The following ANKIB1 variants were observed in gnomAD, a reference collection of about 807,000 sequenced individuals.
ANKIB1 encodes the protein ankyrin repeat and IBR domain-containing protein 1.
In ANKIB1, 43 loss-of-function variants were observed where a neutral mutation model predicts 122.1. That is an observed-to-expected ratio of 0.35 (90% CI 0.28 to 0.45). The LOEUF is 0.45. ANKIB1 is among the 20% of genes least tolerant of loss of function. The pLI, the probability that ANKIB1 is intolerant of heterozygous loss-of-function variation, is 1.00. For missense variants in ANKIB1, 992 were observed against 1,329.5 expected, an observed-to-expected ratio of 0.75 and a Z score of 3.95; for synonymous variants, 390 against 442.0, an observed-to-expected ratio of 0.88 and a Z score of 1.48.
At chr7:92,270,719 A>G (rs1419867149) in intron 1 of ANKIB1, among the ~76,000 whole-genome samples, 1 of 142,556 alleles carries the variant, frequency 7.0e-6, no homozygotes, top group African/African-American at 2.6e-5. Flanking sequence ...TCTGTCTTCC[A>G]TCGCTATAGT....
intron 17 of ANKIB1, among the ~76,000 whole-genome samples, chr7:92,394,231 T>C (rs1402637457): frequency 6.6e-6 from 1 of 152,196 alleles, no homozygotes; most frequent in African/African-American, 2.4e-5. Context: ...ATTGTTGGAA[T>C]TATTACTTAA....
chr7:92,303,078 G>A (rs1479201685), intron 2 of ANKIB1, among the ~76,000 whole-genome samples: 2 of 152,132 alleles, frequency 1.3e-5, no homozygotes, highest in African/African-American at 4.8e-5. Context: ...GAGTGCAAGA[G>A]AAAGGCCTAT....
At chr7:92,329,027 G>A (rs1467389630) in intron 5 of ANKIB1, among the ~76,000 whole-genome samples, 1 of 150,292 alleles carries the variant, frequency 6.7e-6, no homozygotes, top group Non-Finnish European at 1.5e-5. Flanking sequence ...GAGTGCAGTG[G>A]TGTGATCTTG....
intron 3 of ANKIB1, among the ~76,000 whole-genome samples, chr7:92,310,540 T>A (rs984809373): frequency 2.6e-5 from 4 of 152,306 alleles, no homozygotes; most frequent in Non-Finnish European, 5.9e-5. Context: ...CCAGAAGCCT[T>A]ATTTTGTTTT....
chr7:92,345,130 T>A (rs928017221), intron 7 of ANKIB1, 64 bp downstream of exon 7: 40 of 1,241,198 alleles, frequency 3.2e-5, no homozygotes, highest in Non-Finnish European at 4.3e-5. Flanking sequence ...TTAATAAAAT[T>A]GTTTGCTTTC....
rs58075588 is a variant in ANKIB1 at position 92,246,057 on chromosome 7, G to A, written c.-553G>A. On this transcript the variant is annotated 5_prime_UTR_variant, in exon 1 of 20. Coordinates refer to ENST00000265742, the MANE Select transcript of ANKIB1 (RefSeq NM_019004.2). ...AGGGGCTGGTGGCAGGCGACTAGGA[G>A]ACTAGGGTGGTGGCGGTGGGGGTGC... 0.016 allele frequency: 4,469 copies of A among 279,536 alleles called. 206 individuals carry two copies. The highest frequency in any genetic ancestry group is 0.1 in the African/African-American group (4,215 of 42,158). The allele number at this position is 279,536 out of a possible 1,614,324, so 17.3% of individuals were successfully genotyped here.
chr7:92,293,334 T>C (rs1371081491), intron 1 of ANKIB1, among the ~76,000 whole-genome samples: 2 of 152,186 alleles, frequency 1.3e-5, no homozygotes, highest in East Asian at 3.8e-4. Flanking sequence ...GCATATTATT[T>C]TCACCTGTGT....
intron 7 of ANKIB1, among the ~76,000 whole-genome samples, chr7:92,349,330 C>T (rs951485264): frequency 6.6e-6 from 1 of 152,078 alleles, no homozygotes; most frequent in African/African-American, 2.4e-5. Flanking sequence ...AGAGAACTGA[C>T]TGTTGGGGAT....
At chr7:92,359,763 A>G (rs1025462157) in intron 9 of ANKIB1, among the ~76,000 whole-genome samples, 3 of 152,084 alleles carry the variant, frequency 2.0e-5, no homozygotes, top group African/African-American at 7.2e-5. Context: ...CCACTTTTTT[A>G]AAGAGATTAG....
intron 1 of ANKIB1, among the ~76,000 whole-genome samples, chr7:92,279,852 C>G (rs998064207): frequency 6.6e-6 from 1 of 152,032 alleles, no homozygotes; most frequent in African/African-American, 2.4e-5. Flanking sequence ...TCCAAATTGA[C>G]CCACTCAAAA....
intron 3 of ANKIB1, among the ~76,000 whole-genome samples, chr7:92,312,701 C>T (rs1585102099): frequency 6.6e-6 from 1 of 152,150 alleles, no homozygotes; most frequent in Non-Finnish European, 1.5e-5. Flanking sequence ...TGACTCCATA[C>T]TTGAAGCTTA....
At chr7:92,317,493 CAA>C (rs1251157323) in intron 3 of ANKIB1, among the ~76,000 whole-genome samples, 1 of 152,168 alleles carries the variant, frequency 6.6e-6, no homozygotes, top group African/African-American at 2.4e-5. Context: ...CCATTCTTAG[CAA>C]ACATTTTTCT....
In ANKIB1 at chr7:92,390,021, C is replaced by T; in HGVS notation, c.1957C>T (p.Leu653Phe). 6.2e-7 allele frequency: 1 copy of T among 1,607,196 alleles called. No homozygotes were observed. Among genetic ancestry groups the T allele is most frequent in the Non-Finnish European group, 8.5e-7 (1 of 1,177,736 alleles). The change falls in exon 15 of 20, where the codon CTC becomes TTC. Residue 653 changes from leucine to phenylalanine, a missense_variant. By Grantham distance (22) the Leu-to-Phe change is conservative. Coordinates refer to ENST00000265742, the MANE Select transcript of ANKIB1 (RefSeq NM_019004.2). Reference protein sequence around the residue: ...TTFIEDAVHVLLKTRRILKCS... With the variant: ...TTFIEDAVHVFLKTRRILKCS... ...TTTCATTGAAGATGCAGTTCATGTG[C>T]TCTTAAAAACTCGGCGCATTCTCAA...
At chr7:92,338,627 C>T (rs1803345624) in intron 5 of ANKIB1, among the ~76,000 whole-genome samples, 1 of 151,424 alleles carries the variant, frequency 6.6e-6, no homozygotes. Flanking sequence ...ATCTATGTGA[C>T]TTGGCCGGGT....
chr7:92,386,462 T>C (rs1013908605), intron 11 of ANKIB1, 47 bp from the exon 12 acceptor site: 2 of 1,509,008 alleles, frequency 1.3e-6, no homozygotes, highest in African/African-American at 2.8e-5. Flanking sequence ...GAAAATAATT[T>C]GCATATTAAT....
At chr7:92,265,093 C>A (rs1801643774) in intron 1 of ANKIB1, among the ~76,000 whole-genome samples, 1 of 152,140 alleles carries the variant, frequency 6.6e-6, no homozygotes, top group East Asian at 1.9e-4. Flanking sequence ...TTCCTGCCTT[C>A]CTCCTACCCA....
At chr7:92,334,769 A>C (rs765504769) in intron 5 of ANKIB1, among the ~76,000 whole-genome samples, 47 of 152,040 alleles carry the variant, frequency 3.1e-4, no homozygotes, top group African/African-American at 1.1e-3. Context: ...GCATGATATA[A>C]AGCTTTTCAT....
chr7:92,266,488 G>A (rs1801673672), intron 1 of ANKIB1, among the ~76,000 whole-genome samples: 1 of 152,102 alleles, frequency 6.6e-6, no homozygotes, highest in African/African-American at 2.4e-5. Context: ...TACCATCCCT[G>A]GACTGAGATT....
At chr7:92,277,433 C>T (rs1022968456) in intron 1 of ANKIB1, among the ~76,000 whole-genome samples, 2 of 152,068 alleles carry the variant, frequency 1.3e-5, no homozygotes, top group African/African-American at 4.8e-5. Context: ...CAGATATAAC[C>T]CCATCATAAG....
Sources: allele counts gnomAD v4.1 joint callset (sites outside exome capture counted in the v4.1 genomes callset), GRCh38; gene constraint gnomAD v4.1.1; transcripts MANE v1.5; gene names NCBI Gene and HGNC (gene_info 2026-07-23, HGNC 2026-07-21).